C9orf85: variants seen among roughly 807,000 people sequenced by gnomAD.
C9orf85 encodes chromosome 9 open reading frame 85.
A neutral mutation model predicts 14.9 loss-of-function variants in C9orf85; 16 were observed. That is an observed-to-expected ratio of 1.08 (90% CI 0.73 to 1.63). The LOEUF (loss-of-function observed/expected upper bound fraction) is 1.63. C9orf85 is among the 40% of genes most tolerant of loss of function. The pLI is 0.00. For synonymous variants in C9orf85, 45 were observed against 56.8 expected (o/e 0.79, Z 0.93); for missense variants, 172 against 186.1 (o/e 0.92, Z 0.44).
intron 1 of C9orf85, among the ~76,000 whole-genome samples, chr9:71,946,123 G>T (rs903774560): frequency 2.6e-5 from 4 of 152,100 alleles, no homozygotes; most frequent in African/African-American, 9.7e-5. Context: ...TATTATTTAA[G>T]TTTGAAGAAA....
intron 2 of C9orf85, among the ~76,000 whole-genome samples, chr9:71,963,644 G>A (rs373972237): frequency 2.0e-5 from 3 of 152,324 alleles, no homozygotes; most frequent in East Asian, 3.9e-4. Flanking sequence ...TTAGCTGGCC[G>A]GCCCTGCCGC....
chr9:71,934,321 A>T (rs1035281597), intron 1 of C9orf85, among the ~76,000 whole-genome samples: 4 of 151,902 alleles, frequency 2.6e-5, no homozygotes, highest in African/African-American at 9.7e-5. Context: ...AACAAAACAA[A>T]CACTGTCTCA....
At chr9:71,956,487 GAT>G (rs1222679078) in intron 2 of C9orf85, among the ~76,000 whole-genome samples, 2 of 131,238 alleles carry the variant, frequency 1.5e-5, no homozygotes, top group Non-Finnish European at 3.2e-5. Flanking sequence ...GACCTCAGGT[GAT>G]CTGCCCGCCT....
chr9:71,930,803 CA>C (rs747596247), intron 1 of C9orf85, among the ~76,000 whole-genome samples: 8,067 of 60,922 alleles, frequency 0.13, 120 homozygotes, highest in Non-Finnish European at 0.15. Context: ...GACCCTGTCT[CA>C]AAAAAAAAAA....
chr9:71,929,958 T>C (rs543635815), intron 1 of C9orf85, among the ~76,000 whole-genome samples: 15 of 150,368 alleles, frequency 1.0e-4, no homozygotes, highest in Non-Finnish European at 1.9e-4. Flanking sequence ...CTTAGGTTTC[T>C]CATCTGCAAA....
downstream of C9orf85, among the ~76,000 whole-genome samples, chr9:71,976,012 A>T (rs1822990318): frequency 6.6e-6 from 1 of 152,212 alleles, no homozygotes; most frequent in African/African-American, 2.4e-5. Flanking sequence ...CCAGGAAAAA[A>T]ATTTAACAAA....
rs201370382 is a variant in C9orf85 at position 71,972,853 on chromosome 9, T to A, written c.*11T>A. On this transcript the variant is annotated 3_prime_UTR_variant, in exon 4 of 4. Coordinates refer to ENST00000334731, the MANE Select transcript of C9orf85 (RefSeq NM_182505.5). Reference sequence around the variant, plus strand: ...CATCAAATGAATTAATATCACTGTATTAAAAGTCTGCCGGGCACAGTGGCT... The same window carrying A: ...CATCAAATGAATTAATATCACTGTAATAAAAGTCTGCCGGGCACAGTGGCT... 1.9e-4 allele frequency: 304 copies of A among 1,596,860 alleles called. 2 individuals carry two copies. The East Asian group carries it at 5.8e-3, about 30-fold the overall frequency.
chr9:71,936,861 C>T (rs553548410), intron 1 of C9orf85, among the ~76,000 whole-genome samples: 6 of 150,314 alleles, frequency 4.0e-5, no homozygotes, highest in Non-Finnish European at 7.4e-5. Context: ...CTGGCTCAAG[C>T]GATCCTCCCA....
chr9:71,921,980 C>T (rs1337547922), intron 1 of C9orf85, among the ~76,000 whole-genome samples: 2 of 2,260 alleles, frequency 8.8e-4, no homozygotes, highest in African/African-American at 1.4e-3. Context: ...CTTGCTCTGT[C>T]GCCAGGCTAG....
At chr9:71,936,065 G>GT (rs963456962) in intron 1 of C9orf85, among the ~76,000 whole-genome samples, 1 of 151,890 alleles carries the variant, frequency 6.6e-6, no homozygotes, top group Non-Finnish European at 1.5e-5. Flanking sequence ...AGTGACCTAA[G>GT]TTTTTTTATC....
At chr9:71,937,729 G>A (rs1828225416) in intron 1 of C9orf85, among the ~76,000 whole-genome samples, 1 of 152,072 alleles carries the variant, frequency 6.6e-6, no homozygotes, top group South Asian at 2.1e-4. Context: ...AGCTCACAGT[G>A]CAGATCTATA....
chr9:71,913,446 T>G (rs1224604907), intron 1 of C9orf85, among the ~76,000 whole-genome samples: 1 of 152,148 alleles, frequency 6.6e-6, no homozygotes, highest in East Asian at 1.9e-4. Flanking sequence ...TAAATATTGG[T>G]GAAGGGCAAC....
chr9:71,933,305 G>A (rs1223595577), intron 1 of C9orf85, among the ~76,000 whole-genome samples: 1 of 152,158 alleles, frequency 6.6e-6, no homozygotes, highest in African/African-American at 2.4e-5. Flanking sequence ...GACCCACATT[G>A]AGATACATTA....
chr9:71,944,127 A>G (rs973680642), intron 1 of C9orf85, among the ~76,000 whole-genome samples: 2 of 151,518 alleles, frequency 1.3e-5, no homozygotes, highest in African/African-American at 4.8e-5. Flanking sequence ...CCAGCTGCTC[A>G]GGAGGCCGAG....
chr9:71,947,020 A>C lies in C9orf85; in HGVS notation c.117A>C (p.Lys39Asn), dbSNP rs766674633. 3.7e-6 allele frequency: 6 copies of C among 1,611,590 alleles called. No homozygotes were observed. The highest frequency in any genetic ancestry group is 5.1e-6 in the Non-Finnish European group (6 of 1,178,774). Residue 39 changes from lysine to asparagine, a missense_variant, in exon 2 of 4, where the codon AAA (lysine) becomes AAC (asparagine). Transcript: ENST00000334731. ...TTGTTTTTAAGAAAATTAATGCAAA[A>C]CTTCATGATGGAGTATGTCAGCGCT... ...KSVQTKKINA[K>N]LHDGVCQRCK...
At chr9:71,934,632 G>T (rs1828147170) in intron 1 of C9orf85, among the ~76,000 whole-genome samples, 1 of 152,170 alleles carries the variant, frequency 6.6e-6, no homozygotes, top group African/African-American at 2.4e-5. Context: ...ACTTTGGGAG[G>T]CTGAGGCAGG....
intron 1 of C9orf85, among the ~76,000 whole-genome samples, chr9:71,942,917 AAG>A (rs1821976411): frequency 6.6e-6 from 1 of 151,734 alleles, no homozygotes; most frequent in South Asian, 2.1e-4. Flanking sequence ...AAAAAAAAAA[AAG>A]GAAGCAGCAG....
intron 2 of C9orf85, among the ~76,000 whole-genome samples, chr9:71,962,792 ATG>A (rs1822554939): frequency 6.6e-6 from 1 of 152,154 alleles, no homozygotes; most frequent in Non-Finnish European, 1.5e-5. Flanking sequence ...GCAGTGGCTC[ATG>A]CTTGTAATCC....
At chr9:71,926,967 G>C (rs561147629) in intron 1 of C9orf85, among the ~76,000 whole-genome samples, 13 of 151,904 alleles carry the variant, frequency 8.6e-5, no homozygotes, top group Non-Finnish European at 1.5e-4. Context: ...CAAGTAGAAG[G>C]GTTCTATCAA....
Sources: allele counts gnomAD v4.1 joint callset (sites outside exome capture counted in the v4.1 genomes callset), GRCh38; gene constraint gnomAD v4.1.1; transcripts MANE v1.5; gene names NCBI Gene and HGNC (gene_info 2026-07-23, HGNC 2026-07-21).